The following FAT4 variants were observed in gnomAD, a reference collection of about 807,000 sequenced individuals.
The protein encoded by FAT4 is FAT atypical cadherin 4.
Under a neutral mutation model 303.9 loss-of-function variants are expected in FAT4, and 84 were observed. That is an observed-to-expected ratio of 0.28 (90% CI 0.23 to 0.33). The LOEUF (loss-of-function observed/expected upper bound fraction) is 0.33, where lower values mean the gene tolerates loss of function less well. Among genes scored for constraint, FAT4 ranks in the 10% least tolerant of loss-of-function variants. The pLI is 1.00. For missense variants in FAT4, 6,005 were observed against 6,146.8 expected, an observed-to-expected ratio of 0.98 and a Z score of 0.77; for synonymous variants, 2,307 against 2,298.8, an observed-to-expected ratio of 1.00 and a Z score of -0.10.
At chr4:125,401,631 A>G (rs1336043145) in intron 3 of FAT4, among the ~76,000 whole-genome samples, 5 of 152,006 alleles carry the variant, frequency 3.3e-5, no homozygotes, top group African/African-American at 4.8e-5. Flanking sequence ...TTACAATTTT[A>G]TAAAACAACA....
At chr4:125,386,145 C>G (rs1168242110) in intron 2 of FAT4, among the ~76,000 whole-genome samples, 2 of 152,142 alleles carry the variant, frequency 1.3e-5, no homozygotes, top group African/African-American at 4.8e-5. Context: ...GTGCAATGAA[C>G]AAACTGGTTT....
At chr4:125,379,400 G>T (rs1319350549) in intron 2 of FAT4, among the ~76,000 whole-genome samples, 1 of 151,698 alleles carries the variant, frequency 6.6e-6, no homozygotes, top group Non-Finnish European at 1.5e-5. Context: ...TGGTTGCCTT[G>T]GAGAGTTTAT....
chr4:125,474,408 G>A (rs933325139), intron 12 of FAT4, among the ~76,000 whole-genome samples: 17 of 151,688 alleles, frequency 1.1e-4, no homozygotes, highest in African/African-American at 1.9e-4. Context: ...GGATGTCACC[G>A]CATTTTACAG....
At chr4:125,440,600 T>A (rs1578645856) in intron 8 of FAT4, among the ~76,000 whole-genome samples, 1 of 61,524 alleles carries the variant, frequency 1.6e-5, no homozygotes, top group East Asian at 5.9e-4. Context: ...TGTGTGTGTG[T>A]GTGTGTGTGT....
rs942468629 is a variant in FAT4, at chr4:125,316,421, G to A, written c.10G>A (p.Ala4Thr). ...TTAGGGAGCCAGGACCATGGACTTA[G>A]CACCAGACAGGGCTACTGGCCGCCC... MDLAPDRATGRPWL... is the reference protein window; with the variant it reads MDLTPDRATGRPWL... Residue 4 changes from alanine to threonine, a missense_variant, in exon 2 of 18, where the codon GCA becomes ACA. Ala to Thr is a moderately conservative substitution (Grantham distance 58, BLOSUM62 0). Transcript: ENST00000394329. The surrounding 1 kb of genome is among the most constrained non-coding windows in gnomAD (Gnocchi z 5.7). 21 of 1,609,724 alleles carry A rather than the reference G, an allele frequency of 1.3e-5. No homozygotes were observed. Among genetic ancestry groups the A allele is most frequent in the Non-Finnish European group, 1.8e-5 (21 of 1,177,360 alleles).
In FAT4 at chr4:125,449,640, C is replaced by G. The variant is rs754458048; in HGVS notation, c.8630C>G (p.Thr2877Ser). 1 of 1,613,906 alleles carries G rather than the reference C, an allele frequency of 6.2e-7. No homozygotes were observed. The highest frequency in any genetic ancestry group is 2.2e-5 in the East Asian group (1 of 44,856). The part of the protein sequence containing the change: ...INDNAPRFSR[T>S]SYYLDCPELT... ...GACAATGCTCCAAGATTTAGCAGAA[C>G]TTCCTATTATTTAGATTGCCCTGAA... The change falls in exon 10 of 18, where the codon ACT (threonine) becomes AGT (serine). Residue 2877 changes from threonine (T) to serine (S), a missense_variant. Transcript: ENST00000394329.
intron 2 of FAT4, among the ~76,000 whole-genome samples, chr4:125,390,155 T>C (rs529863054): frequency 6.6e-6 from 1 of 152,288 alleles, no homozygotes; most frequent in South Asian, 2.1e-4. Context: ...ATTTAGAGCC[T>C]AAACCCATAA....
At chr4:125,334,491 A>G (rs1193830229) in intron 2 of FAT4, among the ~76,000 whole-genome samples, 2 of 152,184 alleles carry the variant, frequency 1.3e-5, no homozygotes, top group Non-Finnish European at 2.9e-5. Flanking sequence ...ATCAGGTGCT[A>G]ATGGCATTTA....
At position 125,432,757 on chromosome 4, in the gene FAT4, G is replaced by A. The variant is rs568998822; in HGVS notation, c.7019-1488G>A. ...TTAAATTTTTAGATATTTCTTAGAC[G>A]TCAAAATTTTTTGACTTTGTATGTT... On this transcript the variant is annotated intron_variant, in intron 7 of 17. Transcript: ENST00000394329. Among the ~76,000 whole-genome samples, 7 of 151,748 alleles carry A rather than the reference G, an allele frequency of 4.6e-5. No individual in the cohort carries two copies. In the South Asian group the frequency reaches 6.2e-4, roughly 13 times the overall value.
chr4:125,347,184 C>A (rs889311926), intron 2 of FAT4, among the ~76,000 whole-genome samples: 1 of 150,554 alleles, frequency 6.6e-6, no homozygotes, highest in Non-Finnish European at 1.5e-5. Flanking sequence ...TATTACCAAT[C>A]ATATGTTATA....
At position 125,315,897 on chromosome 4, in the gene FAT4, T is replaced by TC. The variant is rs1201376704; in HGVS notation, c.-90dup. Among the ~76,000 whole-genome samples the TC allele has an allele frequency of 9.2e-5, 14 of 152,262 alleles. No individual in the cohort carries two copies. The East Asian group carries it at 2.7e-3, about 30-fold the overall frequency. Reference sequence around the variant, plus strand: ...AGCTTTTGGGAAAGAAATTCGATTCTCCCGGTTCCCCACCACCCCTTCCCC... The same window carrying TC: ...AGCTTTTGGGAAAGAAATTCGATTCTCCCCGGTTCCCCACCACCCCTTCCCC... On this transcript the variant is annotated 5_prime_UTR_variant, in exon 1 of 18. Coordinates refer to ENST00000394329, the MANE Select transcript of FAT4 (RefSeq NM_001291303.3).
chr4:125,327,400 A>G (rs1731200452), intron 2 of FAT4, among the ~76,000 whole-genome samples: 1 of 152,194 alleles, frequency 6.6e-6, no homozygotes, highest in African/African-American at 2.4e-5. Flanking sequence ...TGTGAAGATT[A>G]TTTTAAATAG....
Position 125,452,033 on chromosome 4 carries a change from A to G in FAT4, c.11023A>G (p.Arg3675Gly). Residue 3675 changes from arginine to glycine, a missense_variant, in exon 10 of 18, where the codon AGG becomes GGG. Coordinates refer to ENST00000394329, the MANE Select transcript of FAT4 (RefSeq NM_001291303.3). ...TACTTGTGATCTGAATTCCCAGCCA[A>G]GGTCCACAGATGGCACGTTTGATCT... is the stretch of plus-strand genomic sequence containing the variant. ...GGTCDLNSQPRSTDGTFDLTV... is the reference protein window; with the variant it reads ...GGTCDLNSQPGSTDGTFDLTV... 2 of 1,614,162 alleles carry G rather than the reference A, an allele frequency of 1.2e-6. No individual in the cohort carries two copies. The highest frequency in any genetic ancestry group is 1.7e-6 in the Non-Finnish European group (2 of 1,180,030).
chr4:125,431,211 C>T (rs1578635310), intron 7 of FAT4, among the ~76,000 whole-genome samples: 1 of 152,298 alleles, frequency 6.6e-6, no homozygotes, highest in South Asian at 2.1e-4. Flanking sequence ...CTGGCGGTTA[C>T]TTATTTTCTA....
At chr4:125,394,085 A>G (rs1031705737) in intron 2 of FAT4, 2 of 728,240 alleles carry the variant, frequency 2.7e-6, no homozygotes, top group Non-Finnish European at 5.1e-6. Context: ...AGGACCAGAT[A>G]TCTAAGCACA....
intron 2 of FAT4, among the ~76,000 whole-genome samples, chr4:125,349,076 A>G (rs1361729093): frequency 6.6e-6 from 1 of 151,806 alleles, no homozygotes; most frequent in Non-Finnish European, 1.5e-5. Flanking sequence ...TAAATTATCC[A>G]GAGGGGTTTA....
rs192620251 is a variant in FAT4 at position 125,345,560 on chromosome 4, A to G, written c.5175+23974A>G. Among the ~76,000 whole-genome samples, 648 of 152,136 alleles carry G rather than the reference A, an allele frequency of 4.3e-3. 7 individuals carry two copies. Among genetic ancestry groups the G allele is most frequent in the Non-Finnish European group, 6.7e-3 (455 of 67,974 alleles). On this transcript the variant is annotated intron_variant, in intron 2 of 17. Transcript: ENST00000394329. ...CTACCATTTAAATATAGTTAATATT[A>G]ATGATTACTTTTAGTAGCATTTAAG...
rs77178953 is a variant in FAT4, at chr4:125,442,224, T to C, written c.7200-4069T>C. Among the ~76,000 whole-genome samples the C allele has an allele frequency of 5.8e-3, 890 of 152,306 alleles. 41 individuals carry two copies. In the East Asian group the frequency reaches 0.083, roughly 14 times the overall value. On this transcript the variant is annotated intron_variant, in intron 8 of 17. Coordinates refer to ENST00000394329, the MANE Select transcript of FAT4 (RefSeq NM_001291303.3). ...TTTACCTTTCTCTGAGGAAGCTTTATTTTAATCATTCCAGTCAAGAGTGTT... is the reference window on the plus strand; with the variant it reads ...TTTACCTTTCTCTGAGGAAGCTTTACTTTAATCATTCCAGTCAAGAGTGTT...
chr4:125,325,087 A>G (rs1230463378), intron 2 of FAT4, among the ~76,000 whole-genome samples: 2 of 152,072 alleles, frequency 1.3e-5, no homozygotes, highest in Non-Finnish European at 2.9e-5. Context: ...AGATATTTTG[A>G]GTGGGATAAT....
Sources: allele counts gnomAD v4.1 joint callset (sites outside exome capture counted in the v4.1 genomes callset), GRCh38; gene constraint gnomAD v4.1.1; non-coding constraint Gnocchi (gnomAD v3.1); transcripts MANE v1.5; gene names NCBI Gene and HGNC (gene_info 2026-07-23, HGNC 2026-07-21).